Variants in TASP1 observed in about 807,000 individuals in gnomAD.
TASP1 encodes the protein taspase 1.
A neutral mutation model predicts 56.6 loss-of-function variants in TASP1; 16 were observed. The ratio of observed to expected loss-of-function variants is 0.28; its 90% CI spans 0.19 to 0.43. The LOEUF (loss-of-function observed/expected upper bound fraction) is 0.43. Ranked by LOEUF, TASP1 falls within the 20% of genes least tolerant of loss-of-function variation. The pLI is 1.00. For missense variants in TASP1, 393 were observed against 511.6 expected (o/e 0.77, Z 2.24); for synonymous variants, 179 against 184.2 (o/e 0.97, Z 0.23).
At chr20:13,400,628 C>A (rs986379942) in intron 13 of TASP1, among the ~76,000 whole-genome samples, 1 of 152,116 alleles carries the variant, frequency 6.6e-6, no homozygotes, top group African/African-American at 2.4e-5. Context: ...CAGTGCAGTC[C>A]AAACATGTAC....
At chr20:13,337,888 T>C in the TASP1 span, among the ~76,000 whole-genome samples, 1 of 152,138 alleles carries the variant, frequency 6.6e-6, no homozygotes, top group Non-Finnish European at 1.5e-5. Context: ...ACATGGAACT[T>C]ACAAAAGGGG....
intron 3 of TASP1, 76 bp downstream of exon 3, chr20:13,625,109 T>C (rs2048841998): frequency 1.8e-6 from 2 of 1,117,862 alleles, no homozygotes; most frequent in East Asian, 5.4e-5. Context: ...ATGAAACTTT[T>C]AAATGTTGAA....
At chr20:13,608,618 AT>A (rs1230903474) in intron 4 of TASP1, among the ~76,000 whole-genome samples, 1 of 152,236 alleles carries the variant, frequency 6.6e-6, no homozygotes, top group Non-Finnish European at 1.5e-5. Flanking sequence ...TGAGATATGA[AT>A]TTCATATACT....
At chr20:13,604,566 T>C (rs1460788660) in intron 4 of TASP1, among the ~76,000 whole-genome samples, 1 of 152,194 alleles carries the variant, frequency 6.6e-6, no homozygotes, top group Non-Finnish European at 1.5e-5. Flanking sequence ...GGTATTCCTT[T>C]ATAGCAATGC....
intron 9 of TASP1, 66 bp from the exon 10 acceptor site, chr20:13,528,577 G>T: frequency 7.4e-7 from 1 of 1,357,010 alleles, no homozygotes; most frequent in Non-Finnish European, 1.0e-6. Context: ...GTTTTCAACA[G>T]AAATCATACC....
At chr20:13,321,961 A>T in the TASP1 span, among the ~76,000 whole-genome samples, 4 of 152,190 alleles carry the variant, frequency 2.6e-5, no homozygotes, top group Admixed American at 1.3e-4. Flanking sequence ...GTAAAATATG[A>T]TCATAACGAT....
chr20:13,226,983 T>G, the TASP1 span, among the ~76,000 whole-genome samples: 7 of 152,314 alleles, frequency 4.6e-5, no homozygotes, highest in African/African-American at 1.7e-4. Context: ...TGATTTACAT[T>G]TTTAGAACCC....
the TASP1 span, chr20:13,160,072 C>G: frequency 1.2e-6 from 2 of 1,613,718 alleles, no homozygotes; most frequent in Non-Finnish European, 1.7e-6. Context: ...CCACTCCCCT[C>G]GCAGAAGCTC....
At chr20:13,380,024 T>G in the TASP1 span, among the ~76,000 whole-genome samples, 1 of 152,208 alleles carries the variant, frequency 6.6e-6, no homozygotes, top group Non-Finnish European at 1.5e-5. Flanking sequence ...AACATGCTCC[T>G]TTAGCTTGGA....
At chr20:13,461,341 AT>A (rs2044044699) in intron 11 of TASP1, among the ~76,000 whole-genome samples, 1 of 152,086 alleles carries the variant, frequency 6.6e-6, no homozygotes, top group Non-Finnish European at 1.5e-5. Flanking sequence ...CTATTTATTT[AT>A]TGTCTGCCTG....
At chr20:13,499,788 T>C (rs2043877607) in intron 10 of TASP1, among the ~76,000 whole-genome samples, 1 of 152,148 alleles carries the variant, frequency 6.6e-6, no homozygotes, top group Non-Finnish European at 1.5e-5. Flanking sequence ...CATGGAATAC[T>C]ATGCAGCCAT....
intron 6 of TASP1, among the ~76,000 whole-genome samples, chr20:13,579,261 C>T (rs769458875): frequency 1.3e-5 from 2 of 152,182 alleles, no homozygotes; most frequent in Non-Finnish European, 2.9e-5. Context: ...TAGAAGGACT[C>T]CGCATGCACC....
At chr20:13,117,831 C>T in the TASP1 span, 4 of 1,026,400 alleles carry the variant, frequency 3.9e-6, no homozygotes, top group East Asian at 1.0e-4. Context: ...TTCACCACAC[C>T]TCAGCTGATC....
intron 11 of TASP1, among the ~76,000 whole-genome samples, chr20:13,471,655 A>G (rs1397072061): frequency 6.6e-6 from 1 of 152,052 alleles, no homozygotes; most frequent in African/African-American, 2.4e-5. Flanking sequence ...CCTTCCTCCA[A>G]TCCATCCCAC....
chr20:13,610,086 A>G lies in TASP1; in HGVS notation c.282+13360T>C, dbSNP rs569542264. On this transcript the variant is annotated intron_variant, in intron 4 of 13. Coordinates refer to ENST00000337743, the MANE Select transcript of TASP1 (RefSeq NM_017714.3). The stretch of plus-strand genomic sequence containing the variant: ...AGGTAAATCCATGGACAGAAAGCAG[A>G]TGGGTGGTCCACAAGGGGGAAAGGA... Among the ~76,000 whole-genome samples, 73 of 152,348 alleles carry G rather than the reference A, an allele frequency of 4.8e-4. 2 individuals are homozygous for G. The South Asian group carries it at 0.014, about 30-fold the overall frequency.
intron 13 of TASP1, among the ~76,000 whole-genome samples, chr20:13,404,812 G>T (rs377181450): frequency 2.6e-5 from 4 of 152,080 alleles, no homozygotes; most frequent in African/African-American, 9.6e-5. Context: ...TATCAATTTT[G>T]ATTTCTTAAT....
chr20:13,221,782 G>A, the TASP1 span: 2 of 1,448,984 alleles, frequency 1.4e-6, no homozygotes, highest in Non-Finnish European at 1.8e-6. Flanking sequence ...AAAGGATGGT[G>A]CGCCTGGCGG....
chr20:13,273,417 G>T, the TASP1 span, among the ~76,000 whole-genome samples: 2 of 151,560 alleles, frequency 1.3e-5, no homozygotes, highest in South Asian at 4.2e-4. Flanking sequence ...TTTATTTTTT[G>T]AAGAGACCAG....
the TASP1 span, among the ~76,000 whole-genome samples, chr20:13,160,736 A>G: frequency 2.0e-4 from 31 of 152,350 alleles, no homozygotes; most frequent in East Asian, 5.2e-3. Flanking sequence ...AGAGTCAACT[A>G]TGTGCAAACT....
Sources: allele counts gnomAD v4.1 joint callset (sites outside exome capture counted in the v4.1 genomes callset), GRCh38; gene constraint gnomAD v4.1.1; transcripts MANE v1.5; gene names NCBI Gene and HGNC (gene_info 2026-07-23, HGNC 2026-07-21).